TM4SF20: variants seen among roughly 807,000 people sequenced by gnomAD.
TM4SF20 encodes the protein transmembrane 4 L six family member 20.
A neutral mutation model predicts 15.1 loss-of-function variants in TM4SF20; 13 were observed. That is an observed-to-expected ratio of 0.86 (90% CI 0.56 to 1.36). The LOEUF (loss-of-function observed/expected upper bound fraction) is 1.36, where lower values mean the gene tolerates loss of function less well. TM4SF20 is among the 40% of genes most tolerant of loss of function. The probability of loss-of-function intolerance (pLI) is 0.00; values close to 1 mark genes in which losing one functional copy is unlikely to be tolerated. For synonymous variants in TM4SF20, 92 were observed against 96.6 expected, an observed-to-expected ratio of 0.95 and a Z score of 0.28; for missense variants, 282 against 268.4, an observed-to-expected ratio of 1.05 and a Z score of -0.35.
intron 1 of TM4SF20, among the ~76,000 whole-genome samples, chr2:227,377,123 A>ATT (rs35750680): frequency 6.6e-6 from 1 of 151,774 alleles, no homozygotes; most frequent in Non-Finnish European, 1.5e-5. Context: ...ATGCTAATAC[A>ATT]TTTTTTTTAA....
rs148405834 is a variant in TM4SF20 at position 227,379,277 on chromosome 2, C to T, written c.-9G>A. 2.5e-6 allele frequency: 4 copies of T among 1,612,124 alleles called. No individual in the cohort carries two copies. Among genetic ancestry groups the T allele is most frequent in the African/African-American group, 2.7e-5 (2 of 75,012 alleles). ...CCTTCGCAGCAGGTCATGGTCACCC[C>T]TGGCTCAGAAACGTTGTCAAAGTGG... On this transcript the variant is annotated 5_prime_UTR_variant, in exon 1 of 4. Transcript: ENST00000304568.
intron 2 of TM4SF20, among the ~76,000 whole-genome samples, chr2:227,368,412 G>A (rs1332993655): frequency 2.1e-5 from 3 of 146,212 alleles, no homozygotes; most frequent in Admixed American, 6.8e-5. Context: ...GTGCAGTGGC[G>A]CTATCTGGGC....
At chr2:227,375,974 G>C (rs71431036) in intron 1 of TM4SF20, among the ~76,000 whole-genome samples, 1 of 151,986 alleles carries the variant, frequency 6.6e-6, no homozygotes, top group African/African-American at 2.4e-5. Context: ...AAAAATACTC[G>C]AACAAATAAC....
In TM4SF20 at chr2:227,363,619, A is replaced by T. The variant is rs1232407884; in HGVS notation, c.*105T>A. The T allele has an allele frequency of 2.5e-6, 3 of 1,190,342 alleles. No homozygotes were observed. Among genetic ancestry groups the T allele is most frequent in the Non-Finnish European group, 3.5e-6 (3 of 851,352 alleles). The allele number at this position is 1,190,342 out of a possible 1,614,324, so 73.7% of individuals were successfully genotyped here. On this transcript the variant is annotated 3_prime_UTR_variant, in exon 4 of 4. Transcript: ENST00000304568. ...GTTATGCATTTACAACGTGCTTTCTACGTGAAGGGTTGATTTTTTAAATCA... is the reference window on the plus strand; with the variant it reads ...GTTATGCATTTACAACGTGCTTTCTTCGTGAAGGGTTGATTTTTTAAATCA...
At chr2:227,368,979 G>A (rs1285966583) in intron 2 of TM4SF20, among the ~76,000 whole-genome samples, 1 of 152,174 alleles carries the variant, frequency 6.6e-6, no homozygotes, top group Non-Finnish European at 1.5e-5. Context: ...TATCGGAAAA[G>A]CCTATATAAG....
intron 2 of TM4SF20, among the ~76,000 whole-genome samples, chr2:227,370,004 G>A (rs2076412802): frequency 6.6e-6 from 1 of 152,142 alleles, no homozygotes; most frequent in Admixed American, 6.5e-5. Context: ...CCACTTAAGG[G>A]TTTTGAGAGA....
intron 1 of TM4SF20, among the ~76,000 whole-genome samples, chr2:227,378,228 A>G (rs530955052): frequency 2.0e-5 from 3 of 152,206 alleles, no homozygotes; most frequent in Non-Finnish European, 4.4e-5. Context: ...ACATATGGAA[A>G]CAAAACCATA....
intron 3 of TM4SF20, among the ~76,000 whole-genome samples, chr2:227,365,523 C>G (rs2076388676): frequency 6.6e-6 from 1 of 152,196 alleles, no homozygotes; most frequent in Non-Finnish European, 1.5e-5. Flanking sequence ...AATTTGGATT[C>G]ATTCCCATGC....
At chr2:227,378,723 A>G (rs1315549980) in intron 1 of TM4SF20, among the ~76,000 whole-genome samples, 5 of 152,188 alleles carry the variant, frequency 3.3e-5, no homozygotes, top group African/African-American at 1.2e-4. Flanking sequence ...CATTTTCTGT[A>G]AATACTTAGA....
intron 1 of TM4SF20, among the ~76,000 whole-genome samples, chr2:227,377,086 G>A (rs2076454857): frequency 6.6e-6 from 1 of 152,096 alleles, no homozygotes; most frequent in South Asian, 2.1e-4. Flanking sequence ...ATGTAGGTAT[G>A]TGTCATCGCC....
intron 1 of TM4SF20, among the ~76,000 whole-genome samples, chr2:227,378,502 C>T (rs944441759): frequency 2.0e-5 from 3 of 152,194 alleles, no homozygotes; most frequent in Admixed American, 6.5e-5. Context: ...AACTATTCAA[C>T]AAGCTCGATG....
upstream of TM4SF20, chr2:227,379,317 T>C: frequency 2.0e-6 from 3 of 1,515,120 alleles, no homozygotes; most frequent in Non-Finnish European, 2.7e-6. Flanking sequence ...GCTTGCATGG[T>C]ACTATGTTGC....
chr2:227,371,056 G>A (rs976485444), intron 1 of TM4SF20, 76 bp from the exon 2 acceptor site: 22 of 1,241,070 alleles, frequency 1.8e-5, no homozygotes, highest in Admixed American at 1.0e-4. Context: ...TTCACCTTCC[G>A]TTTACCACCA....
intron 2 of TM4SF20, among the ~76,000 whole-genome samples, chr2:227,367,097 G>A (rs2076397095): frequency 6.6e-6 from 1 of 152,116 alleles, no homozygotes; most frequent in South Asian, 2.1e-4. Context: ...CCTGTGCAGT[G>A]TAGGATATTT....
At chr2:227,370,288 A>G (rs2076414202) in intron 2 of TM4SF20, among the ~76,000 whole-genome samples, 1 of 152,190 alleles carries the variant, frequency 6.6e-6, no homozygotes, top group African/African-American at 2.4e-5. Context: ...CCCGAGTATT[A>G]TGAAATTGAT....
At chr2:227,371,025 T>A in intron 1 of TM4SF20, 45 bp from the exon 2 acceptor site, 5 of 1,527,608 alleles carry the variant, frequency 3.3e-6, no homozygotes, top group Non-Finnish European at 4.5e-6. Context: ...TAACTTCTCA[T>A]CAGAAGAAAA....
intron 3 of TM4SF20, 147 bp downstream of exon 3, chr2:227,365,944 CTG>C: frequency 1.5e-6 from 1 of 677,150 alleles, no homozygotes; most frequent in Non-Finnish European, 2.4e-6. Flanking sequence ...GTTGTGCTAA[CTG>C]GCGTTAATGT....
intron 1 of TM4SF20, among the ~76,000 whole-genome samples, chr2:227,373,323 C>T (rs1224540389): frequency 1.3e-5 from 2 of 152,190 alleles, no homozygotes; most frequent in Non-Finnish European, 2.9e-5. Flanking sequence ...TGAACACCAC[C>T]ACCCTCCTTA....
At chr2:227,373,626 G>A (rs2076431784) in intron 1 of TM4SF20, among the ~76,000 whole-genome samples, 1 of 152,064 alleles carries the variant, frequency 6.6e-6, no homozygotes, top group South Asian at 2.1e-4. Flanking sequence ...TGCACCAAGA[G>A]TAGAGTTAAA....
Sources: gnomAD v4.1 joint callset for allele counts (sites outside exome capture counted in the v4.1 genomes callset) on GRCh38, gnomAD v4.1.1 for gene constraint, MANE v1.5 for transcripts, NCBI Gene and HGNC (gene_info 2026-07-23, HGNC 2026-07-21) for gene names.